The following RBM33 variants were observed in gnomAD, a reference collection of about 807,000 sequenced individuals.
RBM33 encodes the protein RNA-binding protein 33.
RBM33 carries 28 observed loss-of-function variants against 132.6 expected under a neutral mutation model. The observed-to-expected ratio is 0.21, with a 90% CI of 0.16 to 0.29. RBM33 has a LOEUF of 0.29. Among genes scored for constraint, RBM33 ranks in the 10% least tolerant of loss-of-function variants. RBM33 has a pLI of 1.00. For missense variants in RBM33, 1,291 were observed against 1,518.5 expected (o/e 0.85, Z 2.49); for synonymous variants, 634 against 593.0 (o/e 1.07, Z -1.01).
intron 13 of RBM33, among the ~76,000 whole-genome samples, chr7:155,742,924 A>G (rs1389494996): frequency 1.3e-5 from 2 of 152,240 alleles, no homozygotes; most frequent in Admixed American, 1.3e-4. Flanking sequence ...GAGTGCTCTG[A>G]AGCAGTGCAG....
At chr7:155,768,772 C>A (rs1217752072) in intron 16 of RBM33, among the ~76,000 whole-genome samples, 1 of 152,136 alleles carries the variant, frequency 6.6e-6, no homozygotes, top group Non-Finnish European at 1.5e-5. Flanking sequence ...GCGTGCCACG[C>A]CTGGCTAATT....
chr7:155,668,847 A>C (rs148947596), intron 2 of RBM33, among the ~76,000 whole-genome samples: 1 of 152,204 alleles, frequency 6.6e-6, no homozygotes, highest in Non-Finnish European at 1.5e-5. Flanking sequence ...TGGTGGTTAC[A>C]TTGCCTGATA....
At chr7:155,660,662 G>GT (rs1798615505) in intron 1 of RBM33, among the ~76,000 whole-genome samples, 1 of 152,120 alleles carries the variant, frequency 6.6e-6, no homozygotes, top group South Asian at 2.1e-4. Context: ...TGCTTTCAAG[G>GT]TTTTTTCTGT....
chr7:155,732,326 A>G (rs1039414424), intron 9 of RBM33, among the ~76,000 whole-genome samples: 11 of 152,232 alleles, frequency 7.2e-5, no homozygotes, highest in African/African-American at 1.9e-4. Flanking sequence ...ATACAATAAA[A>G]AAGTTTAAGG....
intron 3 of RBM33, among the ~76,000 whole-genome samples, chr7:155,674,669 C>G (rs1799127041): frequency 6.6e-6 from 1 of 152,192 alleles, no homozygotes; most frequent in African/African-American, 2.4e-5. Context: ...GTAATGCTGA[C>G]TGTTCTGGGG....
At chr7:155,769,833 C>T (rs1426325875) in intron 16 of RBM33, among the ~76,000 whole-genome samples, 2 of 152,172 alleles carry the variant, frequency 1.3e-5, no homozygotes, top group African/African-American at 2.4e-5. Flanking sequence ...GAAAAGCCCA[C>T]GTCACAGGCT....
intron 5 of RBM33, among the ~76,000 whole-genome samples, chr7:155,698,725 G>GT (rs1164049386): frequency 6.6e-6 from 1 of 152,196 alleles, no homozygotes; most frequent in Non-Finnish European, 1.5e-5. Context: ...GGTTACCAGT[G>GT]TAATTTTGTT....
Position 155,739,788 on chromosome 7 carries a change from A to AGCACCAGCCTCCGCACCAGCCCCC in RBM33, c.1821_1844dup (p.His609_Pro616dup). On this transcript the variant is annotated inframe_insertion, in exon 12 of 18. Coordinates refer to ENST00000401878, the MANE Select transcript of RBM33 (RefSeq NM_053043.3). The stretch of plus-strand genomic sequence containing the variant: ...CAACCTCAGCAACAGCCCCCGCCAC[A>AGCACCAGCCTCCGCACCAGCCCCC]GCACCAGCCTCCGCACCAGCCCCCG... 6.6e-7 allele frequency: 1 copy of AGCACCAGCCTCCGCACCAGCCCCC among 1,509,158 alleles called. No homozygotes were observed. Among genetic ancestry groups the AGCACCAGCCTCCGCACCAGCCCCC allele is most frequent in the South Asian group, 1.2e-5 (1 of 82,094 alleles). 93.5% of individuals were successfully genotyped at this position (1,509,158 alleles called of 1,614,324 possible).
At chr7:155,666,403 GA>G in intron 2 of RBM33, among the ~76,000 whole-genome samples, 1 of 152,286 alleles carries the variant, frequency 6.6e-6, no homozygotes, top group Non-Finnish European at 1.5e-5. Flanking sequence ...TCAGTCTGTG[GA>G]CTCATTGCTA....
rs200637827 is a variant in RBM33, at chr7:155,673,701, CAT to C, written c.171+788_171+789del. Among the ~76,000 whole-genome samples, 301 of 133,294 alleles carry C rather than the reference CAT, an allele frequency of 2.3e-3. 25 individuals are homozygous for C. The highest frequency in any genetic ancestry group is 9.5e-3 in the African/African-American group (283 of 29,698). 87.4% of individuals were successfully genotyped at this position (133,294 alleles called of 152,430 possible). ...GTGTATATATATACACACATATATA[CAT>C]ACACACGTGTATATATATACACACA... On this transcript the variant is annotated intron_variant, in intron 3 of 17. Coordinates refer to ENST00000401878, the MANE Select transcript of RBM33 (RefSeq NM_053043.3).
chr7:155,652,371 T>C (rs924631277), intron 1 of RBM33, among the ~76,000 whole-genome samples: 1 of 152,218 alleles, frequency 6.6e-6, no homozygotes, highest in East Asian at 1.9e-4. Context: ...TAAAAGCTTA[T>C]TTACATACAC....
rs774527679 is a variant in RBM33, at chr7:155,775,071, G to A, written c.*30G>A. ...TAACAAGAGAGCCTGACCTTAGGCT[G>A]TACACACACTGTGGAATTTCTTCAA... On this transcript the variant is annotated 3_prime_UTR_variant, in exon 18 of 18. Transcript: ENST00000401878. The A allele has an allele frequency of 6.3e-7, 1 of 1,590,150 alleles. No individual in the cohort carries two copies. The highest frequency in any genetic ancestry group is 8.6e-7 in the Non-Finnish European group (1 of 1,158,136).
In RBM33 at chr7:155,644,796, C is replaced by T. The variant is rs1266146851; in HGVS notation, c.-81C>T. The T allele has an allele frequency of 8.1e-7, 1 of 1,237,326 alleles. No individual in the cohort carries two copies. Among genetic ancestry groups the T allele is most frequent in the South Asian group, 1.6e-5 (1 of 62,920 alleles). The allele number at this position is 1,237,326 out of a possible 1,614,324, so 76.6% of individuals were successfully genotyped here. ...CCCTCCCTTCTCTGTCCTCCGTCAC[C>T]CGTACCCGGGCCCGGACCAGGCACG... On this transcript the variant is annotated 5_prime_UTR_variant, in exon 1 of 18. Transcript: ENST00000401878.
At chr7:155,645,562 C>G (rs1394026594) in intron 1 of RBM33, among the ~76,000 whole-genome samples, 1 of 152,150 alleles carries the variant, frequency 6.6e-6, no homozygotes, top group Non-Finnish European at 1.5e-5. Flanking sequence ...TGAGTCAGTT[C>G]CTTTGGATAG....
intron 15 of RBM33, 43 bp from the exon 16 acceptor site, chr7:155,766,424 C>A: frequency 6.3e-7 from 1 of 1,599,186 alleles, no homozygotes; most frequent in Non-Finnish European, 8.5e-7. Context: ...ATCGAAGAAG[C>A]TCAGGCTTGA....
At chr7:155,768,004 C>CCA (rs1802281843) in intron 16 of RBM33, among the ~76,000 whole-genome samples, 1 of 152,206 alleles carries the variant, frequency 6.6e-6, no homozygotes, top group Non-Finnish European at 1.5e-5. Flanking sequence ...CTGTTGTGAG[C>CCA]CACAGATGGG....
chr7:155,731,928 T>A (rs926056366), intron 9 of RBM33, among the ~76,000 whole-genome samples: 2 of 152,202 alleles, frequency 1.3e-5, no homozygotes, highest in Non-Finnish European at 2.9e-5. Context: ...TATTAAATAA[T>A]GAAGATGGAA....
chr7:155,709,139 C>T (rs76461462), intron 7 of RBM33, among the ~76,000 whole-genome samples: 3,239 of 151,540 alleles, frequency 0.021, 123 homozygotes, highest in African/African-American at 0.074. Context: ...TCCCTTTTGA[C>T]CTTCCTTTTT....
intron 9 of RBM33, among the ~76,000 whole-genome samples, chr7:155,723,695 G>A (rs1010144744): frequency 6.6e-6 from 1 of 152,190 alleles, no homozygotes; most frequent in Non-Finnish European, 1.5e-5. Context: ...TAGAGATAGG[G>A]CTGGGTTCAA....
Sources: allele counts gnomAD v4.1 joint callset (sites outside exome capture counted in the v4.1 genomes callset), GRCh38; gene constraint gnomAD v4.1.1; transcripts MANE v1.5; gene names NCBI Gene and HGNC (gene_info 2026-07-23, HGNC 2026-07-21).